SRGAP3: variants seen among roughly 807,000 people sequenced by gnomAD.
SRGAP3 encodes the protein SLIT-ROBO Rho GTPase-activating protein 3.
SRGAP3 carries 39 observed loss-of-function variants against 121.1 expected under a neutral mutation model. The ratio of observed to expected loss-of-function variants is 0.32; its 90% CI spans 0.25 to 0.42. SRGAP3 has a LOEUF of 0.42. SRGAP3 is among the 10% of genes least tolerant of loss of function. The probability of loss-of-function intolerance (pLI) is 1.00; values close to 1 mark genes in which losing one functional copy is unlikely to be tolerated. For synonymous variants in SRGAP3, 601 were observed against 570.0 expected (o/e 1.05, Z -0.77); for missense variants, 1,213 against 1,470.6 (o/e 0.82, Z 2.86).
At chr3:9,118,701 C>A (rs370716749) in intron 2 of SRGAP3, among the ~76,000 whole-genome samples, 2 of 149,596 alleles carry the variant, frequency 1.3e-5, no homozygotes, top group African/African-American at 2.4e-5. Context: ...GCCCCCCCCC[C>A]AAGAAGTTCT....
intron 1 of SRGAP3, among the ~76,000 whole-genome samples, chr3:9,224,001 T>C (rs1952902564): frequency 6.6e-6 from 1 of 152,162 alleles, no homozygotes; most frequent in African/African-American, 2.4e-5. Flanking sequence ...CATTTCCTTG[T>C]GCAATGCCAT....
At chr3:9,285,189 A>G (rs1411635097) in intron 3 of SRGAP3, among the ~76,000 whole-genome samples, 9 of 152,296 alleles carry the variant, frequency 5.9e-5, no homozygotes, top group Middle Eastern at 3.4e-3. Flanking sequence ...ACTTCTCCCT[A>G]TGTGGGCAGA....
chr3:9,181,321 G>C (rs1371227732), intron 1 of SRGAP3, among the ~76,000 whole-genome samples: 1 of 152,192 alleles, frequency 6.6e-6, no homozygotes, highest in East Asian at 1.9e-4. Context: ...CAAATGGGAA[G>C]GTAATGGTAA....
At chr3:8,990,931 A>T (rs2124929461) in intron 20 of SRGAP3, 92 bp from the exon 21 acceptor site, 1 of 1,139,352 alleles carries the variant, frequency 8.8e-7, no homozygotes, top group Non-Finnish European at 1.2e-6. Context: ...CACACACTAC[A>T]CGCTAGTCTA....
chr3:9,123,730 ATATG>A (rs1408403518), intron 2 of SRGAP3, among the ~76,000 whole-genome samples: 6 of 110,238 alleles, frequency 5.4e-5, no homozygotes, highest in East Asian at 2.2e-4. Flanking sequence ...ATATATGTAT[ATATG>A]TGTGTGTGTG....
In SRGAP3 at chr3:9,080,074, C is replaced by T. The variant is rs754930892; in HGVS notation, c.437G>A (p.Gly146Asp). The T allele has an allele frequency of 5.0e-6, 8 of 1,614,168 alleles. No individual in the cohort carries two copies. The highest frequency in any genetic ancestry group is 6.8e-6 in the Non-Finnish European group (8 of 1,180,038). Residue 146 changes from glycine (G) to aspartate (D), a missense_variant, in exon 4 of 22, where the codon GGC becomes GAC. This residue lies in a region of SRGAP3 where 793 missense variants were observed against 1,032.9 expected (regional missense o/e 0.77). Coordinates refer to ENST00000383836, the MANE Select transcript of SRGAP3 (RefSeq NM_014850.4). ...CAGGAGCTCCTCGTGCATCTGCAGG[C>T]CAATCTCCTTGCTCTGGAATGTGGA... ...IRLFKKSKEIGLQMHEELLKV... is the reference protein window; with the variant it reads ...IRLFKKSKEIDLQMHEELLKV...
At chr3:9,155,703 A>G (rs1167284254) in intron 1 of SRGAP3, among the ~76,000 whole-genome samples, 2 of 152,226 alleles carry the variant, frequency 1.3e-5, no homozygotes, top group Non-Finnish European at 2.9e-5. Context: ...TAATAAATCT[A>G]AAACTATATT....
chr3:9,362,682 T>C (rs1268769785), intron 1 of SRGAP3, among the ~76,000 whole-genome samples: 2 of 151,940 alleles, frequency 1.3e-5, no homozygotes, highest in Admixed American at 1.3e-4. Context: ...AATACAGAAA[T>C]CAGGAACTAG....
At chr3:9,305,086 C>T (rs541029000) in intron 3 of SRGAP3, among the ~76,000 whole-genome samples, 1 of 152,124 alleles carries the variant, frequency 6.6e-6, no homozygotes, top group African/African-American at 2.4e-5. Context: ...ATTAGACATA[C>T]AAAAGACTAA....
chr3:9,122,747 A>C (rs995393731), intron 2 of SRGAP3, among the ~76,000 whole-genome samples: 4 of 152,022 alleles, frequency 2.6e-5, no homozygotes, highest in African/African-American at 9.7e-5. Flanking sequence ...AGGGTAGAAA[A>C]AGAAGCACGG....
At chr3:9,004,388 C>G (rs3907219) in intron 18 of SRGAP3, among the ~76,000 whole-genome samples, 4,630 of 152,236 alleles carry the variant, frequency 0.03, 219 homozygotes, top group African/African-American at 0.1. Context: ...CAGAATCCTG[C>G]CTAACTTCTT....
At chr3:9,232,384 C>G (rs1162706) in intron 1 of SRGAP3, among the ~76,000 whole-genome samples, 63,282 of 152,058 alleles carry the variant, frequency 0.42, 14,027 homozygotes, top group Admixed American at 0.5. Context: ...CTTCTTTCCC[C>G]TGTCCCCTGA....
At position 9,208,864 on chromosome 3, in the gene SRGAP3, G is replaced by A. The variant is rs535470096; in HGVS notation, c.67+40021C>T. Reference sequence around the variant, plus strand: ...GGGGAAAGAACTGCCTATCTCCAGCGTTATTGCAAGCATTAACTGGAGCAA... The same window carrying A: ...GGGGAAAGAACTGCCTATCTCCAGCATTATTGCAAGCATTAACTGGAGCAA... On this transcript the variant is annotated intron_variant, in intron 1 of 21. Coordinates refer to ENST00000383836, the MANE Select transcript of SRGAP3 (RefSeq NM_014850.4). Among the ~76,000 whole-genome samples, 6 of 152,300 alleles carry A rather than the reference G, an allele frequency of 3.9e-5. No individual in the cohort carries two copies. In the East Asian group the frequency reaches 5.8e-4, roughly 15 times the overall value.
At chr3:9,223,992 A>G (rs1952902033) in intron 1 of SRGAP3, among the ~76,000 whole-genome samples, 1 of 152,202 alleles carries the variant, frequency 6.6e-6, no homozygotes, top group Non-Finnish European at 1.5e-5. Flanking sequence ...CAGATAGATC[A>G]TTTCCTTGTG....
intron 1 of SRGAP3, among the ~76,000 whole-genome samples, chr3:9,172,895 T>C (rs1951035546): frequency 6.6e-6 from 1 of 152,124 alleles, no homozygotes; most frequent in Non-Finnish European, 1.5e-5. Context: ...CTATGTCTAG[T>C]GCGGTAGATG....
intron 3 of SRGAP3, among the ~76,000 whole-genome samples, chr3:9,286,155 C>CACAA (rs1553567116): frequency 2.1e-5 from 3 of 140,900 alleles, no homozygotes; most frequent in South Asian, 2.3e-4. Flanking sequence ...CACACACACA[C>CACAA]ACACACATTT....
intron 1 of SRGAP3, among the ~76,000 whole-genome samples, chr3:9,143,397 C>T (rs1949924293): frequency 6.6e-6 from 1 of 152,200 alleles, no homozygotes; most frequent in Non-Finnish European, 1.5e-5. Flanking sequence ...ACTTCCACTG[C>T]ACTGCCTGTT....
intron 1 of SRGAP3, among the ~76,000 whole-genome samples, chr3:9,333,759 A>C (rs1055059729): frequency 6.6e-6 from 1 of 152,144 alleles, no homozygotes; most frequent in African/African-American, 2.4e-5. Flanking sequence ...GGTAGACTTA[A>C]TCATAGGCAA....
intron 1 of SRGAP3, among the ~76,000 whole-genome samples, chr3:9,203,133 G>C (rs1952125685): frequency 6.6e-6 from 1 of 152,126 alleles, no homozygotes; most frequent in South Asian, 2.1e-4. Context: ...TGTTTCTCGG[G>C]AATCGGGTCT....
Sources: allele counts gnomAD v4.1 joint callset (sites outside exome capture counted in the v4.1 genomes callset), GRCh38; gene constraint gnomAD v4.1.1; regional missense constraint gnomAD v4.1.1; transcripts MANE v1.5; gene names NCBI Gene and HGNC (gene_info 2026-07-23, HGNC 2026-07-21).